PTPRN2: variants seen among roughly 807,000 people sequenced by gnomAD.
PTPRN2 encodes the protein receptor-type tyrosine-protein phosphatase N2.
PTPRN2 carries 74 observed loss-of-function variants against 118.8 expected under a neutral mutation model. The ratio of observed to expected loss-of-function variants is 0.62; its 90% confidence interval spans 0.52 to 0.76. The LOEUF is 0.76. Among genes scored for constraint, PTPRN2 ranks in the 30% least tolerant of loss-of-function variants. PTPRN2 has a pLI of 0.00. For synonymous variants in PTPRN2, 641 were observed against 608.0 expected, an observed-to-expected ratio of 1.05 and a Z score of -0.80; for missense variants, 1,481 against 1,394.4, an observed-to-expected ratio of 1.06 and a Z score of -0.99.
At chr7:157,654,474 G>GTC (rs1288206293) in intron 14 of PTPRN2, among the ~76,000 whole-genome samples, 1 of 152,236 alleles carries the variant, frequency 6.6e-6, no homozygotes, top group East Asian at 1.9e-4. Flanking sequence ...TACGCACAGA[G>GTC]TCTAAGTCAG....
chr7:158,196,703 TG>T (rs1264069717), intron 4 of PTPRN2, among the ~76,000 whole-genome samples: 3 of 152,056 alleles, frequency 2.0e-5, no homozygotes, highest in Non-Finnish European at 4.4e-5. Flanking sequence ...GTGAGGATCT[TG>T]GGGGACTTCA....
chr7:158,235,063 A>G (rs970952178), intron 3 of PTPRN2, among the ~76,000 whole-genome samples: 5 of 152,204 alleles, frequency 3.3e-5, no homozygotes, highest in Admixed American at 2.0e-4. Context: ...GGCCTGGCCC[A>G]AAATGGCTCT....
At chr7:158,035,253 A>C (rs759669327) in intron 11 of PTPRN2, among the ~76,000 whole-genome samples, 5 of 152,266 alleles carry the variant, frequency 3.3e-5, no homozygotes, top group Non-Finnish European at 7.3e-5. Flanking sequence ...AGAAGAGAAG[A>C]AAGTCTAGAG....
chr7:157,542,458 G>A (rs551365545), intron 22 of PTPRN2, among the ~76,000 whole-genome samples: 19 of 150,324 alleles, frequency 1.3e-4, no homozygotes, highest in South Asian at 2.1e-4. Flanking sequence ...AAGCGCTGCC[G>A]CCCCGCAGCC....
chr7:158,135,054 T>C (rs1372099165), intron 8 of PTPRN2, among the ~76,000 whole-genome samples: 2 of 152,298 alleles, frequency 1.3e-5, no homozygotes, highest in Non-Finnish European at 2.9e-5. Context: ...CACTGGCACA[T>C]ACCAGGCAAC....
rs75043406 is a variant in PTPRN2 at position 157,764,118 on chromosome 7, C to T, written c.1789-81181G>A. 8.8e-4 allele frequency among the ~76,000 whole-genome samples: 134 copies of T among 152,218 alleles called. No individual in the cohort carries two copies. The East Asian group carries it at 0.024, about 28-fold the overall frequency. ...CGTGCTGGCGAGAATGCTGAGGAAT[C>T]GTAACTGGCACACTCTGCAGGGAGG... On this transcript the variant is annotated intron_variant, in intron 12 of 22. Coordinates refer to ENST00000389418, the MANE Select transcript of PTPRN2 (RefSeq NM_002847.5). The surrounding 1 kb of genome is among the most constrained non-coding windows in gnomAD (Gnocchi z 4.5).
chr7:157,966,421 C>T (rs912742933), intron 11 of PTPRN2, among the ~76,000 whole-genome samples: 10 of 151,994 alleles, frequency 6.6e-5, no homozygotes, highest in African/African-American at 2.2e-4. Context: ...CCATCTTTAT[C>T]ATCACCTTTA....
At chr7:158,341,280 A>T (rs1402869287) in intron 2 of PTPRN2, among the ~76,000 whole-genome samples, 290 of 148,618 alleles carry the variant, frequency 2.0e-3, no homozygotes, top group African/African-American at 6.6e-3. Flanking sequence ...CCACACTCTC[A>T]CCATAAGAGC....
intron 11 of PTPRN2, among the ~76,000 whole-genome samples, chr7:158,042,457 T>A (rs891123655): frequency 1.3e-5 from 2 of 152,164 alleles, no homozygotes; most frequent in South Asian, 2.1e-4. Context: ...GGTAATGCAC[T>A]CTCTACCACA....
intron 16 of PTPRN2, among the ~76,000 whole-genome samples, chr7:157,600,709 A>C (rs1028322442): frequency 6.6e-6 from 1 of 152,278 alleles, no homozygotes; most frequent in Non-Finnish European, 1.5e-5. Context: ...GCACCCAGTC[A>C]GCAGATTGAC....
intron 12 of PTPRN2, among the ~76,000 whole-genome samples, chr7:157,702,266 C>G (rs945226763): frequency 1.3e-4 from 20 of 151,542 alleles, no homozygotes; most frequent in African/African-American, 4.4e-4. Flanking sequence ...CTGACGTGGG[C>G]TGTGCATTTA....
intron 19 of PTPRN2, among the ~76,000 whole-genome samples, chr7:157,571,730 C>T (rs965528351): frequency 6.6e-6 from 1 of 152,218 alleles, no homozygotes; most frequent in Non-Finnish European, 1.5e-5. Context: ...CTTTCTTCTT[C>T]CAAGGAGGGG....
chr7:158,316,534 G>A (rs1019500112), intron 3 of PTPRN2, among the ~76,000 whole-genome samples: 8 of 152,282 alleles, frequency 5.3e-5, no homozygotes, highest in Admixed American at 1.3e-4. Context: ...ATAAGCAGCC[G>A]ACGCCTGCCT....
At chr7:158,581,835 C>A (rs1241574090) in intron 1 of PTPRN2, among the ~76,000 whole-genome samples, 1 of 152,238 alleles carries the variant, frequency 6.6e-6, no homozygotes, top group Non-Finnish European at 1.5e-5. Context: ...CCGTTCAAGA[C>A]AAATGCAGCT....
At chr7:158,297,719 G>A (rs1236166299) in intron 3 of PTPRN2, among the ~76,000 whole-genome samples, 2 of 152,192 alleles carry the variant, frequency 1.3e-5, no homozygotes, top group Non-Finnish European at 2.9e-5. Context: ...CACCACACGT[G>A]CCTATGTTTA....
At chr7:158,260,537 TATAGAATCCA>T (rs1797328693) in intron 3 of PTPRN2, among the ~76,000 whole-genome samples, 1 of 152,168 alleles carries the variant, frequency 6.6e-6, no homozygotes, top group African/African-American at 2.4e-5. Flanking sequence ...CCAGAGGGCC[TATAGAATCCA>T]AAGTATGCAC....
At chr7:158,500,272 A>G (rs1205664511) in intron 1 of PTPRN2, among the ~76,000 whole-genome samples, 1 of 152,216 alleles carries the variant, frequency 6.6e-6, no homozygotes, top group Non-Finnish European at 1.5e-5. Flanking sequence ...AGACCTTATC[A>G]GAGGATGGGA....
rs111264818 is a variant in PTPRN2, at chr7:157,781,639, A to G, written c.1789-98702T>C. 7.9e-3 allele frequency among the ~76,000 whole-genome samples: 1,206 copies of G among 152,346 alleles called. 14 individuals are homozygous for G. The highest frequency in any genetic ancestry group is 0.028 in the African/African-American group (1,145 of 41,576). ...AGCTGGGAGAGCTCCTGGATGGTGC[A>G]TGGCGGAAGCTTCCTGACTGAGGAC... is the stretch of plus-strand genomic sequence containing the variant. On this transcript the variant is annotated intron_variant, in intron 12 of 22. Transcript: ENST00000389418.
At chr7:157,642,696 A>G (rs530460247) in intron 14 of PTPRN2, among the ~76,000 whole-genome samples, 7 of 152,108 alleles carry the variant, frequency 4.6e-5, no homozygotes, top group African/African-American at 1.7e-4. Context: ...ACTTTTACCA[A>G]GTTTAATGTT....
Sources: allele counts gnomAD v4.1 joint callset (sites outside exome capture counted in the v4.1 genomes callset), GRCh38; gene constraint gnomAD v4.1.1; non-coding constraint Gnocchi (gnomAD v3.1); transcripts MANE v1.5; gene names NCBI Gene and HGNC (gene_info 2026-07-23, HGNC 2026-07-21).